Variants in SUSD3 observed in about 807,000 individuals in gnomAD.
SUSD3 encodes sushi domain-containing protein 3.
A neutral mutation model predicts 20.6 loss-of-function variants in SUSD3; 18 were observed. The ratio of observed to expected loss-of-function variants is 0.87; its 90% CI spans 0.60 to 1.30. The LOEUF (loss-of-function observed/expected upper bound fraction) is 1.30. Ranked by LOEUF, SUSD3 falls within the 50% of genes most tolerant of loss-of-function variation. The pLI, the probability that SUSD3 is intolerant of heterozygous loss-of-function variation, is 0.00. For synonymous variants in SUSD3, 137 were observed against 141.5 expected, an observed-to-expected ratio of 0.97 and a Z score of 0.23; for missense variants, 306 against 346.9, an observed-to-expected ratio of 0.88 and a Z score of 0.94.
chr9:93,072,034 C>T (rs1587907562), intron 1 of SUSD3, among the ~76,000 whole-genome samples: 1 of 152,254 alleles, frequency 6.6e-6, no homozygotes, highest in South Asian at 2.1e-4. Context: ...TCAGTTTCCC[C>T]ATCTGTAAGG....
chr9:93,068,460 T>A (rs577988022), intron 1 of SUSD3, among the ~76,000 whole-genome samples: 41 of 152,356 alleles, frequency 2.7e-4, no homozygotes, highest in Non-Finnish European at 4.9e-4. Context: ...GGTACCCTTG[T>A]TGAAAATCAT....
chr9:93,071,307 A>G (rs1350462949), intron 1 of SUSD3, among the ~76,000 whole-genome samples: 1 of 152,232 alleles, frequency 6.6e-6, no homozygotes, highest in Admixed American at 6.5e-5. Flanking sequence ...CCTCAAAAGT[A>G]GGGAAGACAG....
intron 2 of SUSD3, among the ~76,000 whole-genome samples, 177 bp downstream of exon 2, chr9:93,076,149 G>A (rs919933894): frequency 6.6e-6 from 1 of 152,144 alleles, no homozygotes; most frequent in Admixed American, 6.5e-5. Context: ...CCGGCTGTAG[G>A]CCCTCAGCCC....
intron 4 of SUSD3, 51 bp downstream of exon 4, chr9:93,079,653 T>C: frequency 1.9e-6 from 3 of 1,600,324 alleles, no homozygotes; most frequent in Non-Finnish European, 2.6e-6. Flanking sequence ...GGGTCCAGCT[T>C]GGTCAGGCCC....
intron 1 of SUSD3, 116 bp from the exon 2 acceptor site, chr9:93,075,668 C>G (rs1041164325): frequency 2.7e-6 from 2 of 741,906 alleles, no homozygotes; most frequent in Non-Finnish European, 4.4e-6. Context: ...GAGCTGCACC[C>G]CACCCCTGTG....
intron 1 of SUSD3, among the ~76,000 whole-genome samples, chr9:93,074,272 T>C (rs1826031947): frequency 6.6e-6 from 1 of 151,382 alleles, no homozygotes; most frequent in South Asian, 2.1e-4. Context: ...CTACTAAAAA[T>C]ACAAAAAATC....
chr9:93,067,446 T>C (rs760146679), intron 1 of SUSD3, among the ~76,000 whole-genome samples: 22 of 152,200 alleles, frequency 1.4e-4, no homozygotes, highest in Non-Finnish European at 3.1e-4. Flanking sequence ...TACCTAGCAG[T>C]GGAATTACTG....
At chr9:93,082,471 C>G (rs1338767605) in intron 4 of SUSD3, among the ~76,000 whole-genome samples, 2 of 152,062 alleles carry the variant, frequency 1.3e-5, no homozygotes, top group African/African-American at 2.4e-5. Context: ...GTGTCCGCCA[C>G]CATGCCCAGC....
chr9:93,060,042 G>A (rs182133969), intron 1 of SUSD3, among the ~76,000 whole-genome samples: 2 of 152,226 alleles, frequency 1.3e-5, no homozygotes, highest in African/African-American at 4.8e-5. Context: ...GGGCGTGGGT[G>A]CCAGTGCCCT....
rs1203415543 is a variant in SUSD3, at chr9:93,075,956, G to T, written c.261G>T (p.Gly87=). Residue 87 remains glycine, a synonymous_variant, in exon 2 of 5, where the codon GGG becomes GGT. Transcript: ENST00000375472. The stretch of plus-strand genomic sequence containing the variant: ...GGAGCATCGCTGAGTGGTCTTCAGG[G>T]TCCCCAGTGTGCAAACGTAAGGACC... ...WKGSIAEWSS[G]SPVCKLVPPH... 1.9e-6 allele frequency: 3 copies of T among 1,605,826 alleles called. No individual in the cohort carries two copies. Among genetic ancestry groups the T allele is most frequent in the South Asian group, 1.1e-5 (1 of 90,430 alleles).
intron 1 of SUSD3, among the ~76,000 whole-genome samples, chr9:93,065,947 G>A (rs1372866097): frequency 1.3e-5 from 2 of 152,204 alleles, no homozygotes. Context: ...TCAGCCCAGG[G>A]TTATAGGAAA....
At chr9:93,075,540 CTTTTT>C (rs141399539) in intron 1 of SUSD3, among the ~76,000 whole-genome samples, 2 of 147,736 alleles carry the variant, frequency 1.4e-5, no homozygotes, top group Non-Finnish European at 3.0e-5. Flanking sequence ...ACACTTATTT[CTTTTT>C]TTAATGCTCC....
chr9:93,067,495 C>T (rs768112374), intron 1 of SUSD3, among the ~76,000 whole-genome samples: 1 of 152,152 alleles, frequency 6.6e-6, no homozygotes, highest in Non-Finnish European at 1.5e-5. Flanking sequence ...TGTGAAAAAC[C>T]ACCGGACAGT....
At chr9:93,059,289 G>A (rs1240737579) in intron 1 of SUSD3, among the ~76,000 whole-genome samples, 2 of 152,204 alleles carry the variant, frequency 1.3e-5, no homozygotes, top group Non-Finnish European at 2.9e-5. Context: ...GACCAGCGCA[G>A]CTCCACTTTA....
At chr9:93,079,088 C>G (rs534244333) in intron 3 of SUSD3, among the ~76,000 whole-genome samples, 3 of 152,318 alleles carry the variant, frequency 2.0e-5, no homozygotes, top group African/African-American at 7.2e-5. Flanking sequence ...AGGCATGAGC[C>G]ACTGCGCCTG....
In SUSD3 at chr9:93,066,217, A is replaced by G. The variant is rs571008076; in HGVS notation, c.88+7387A>G. On this transcript the variant is annotated intron_variant, in intron 1 of 4. Coordinates refer to ENST00000375472, the MANE Select transcript of SUSD3 (RefSeq NM_145006.4). ...TTTAACCCTGACAGAGATAAGAAGC[A>G]AAAAAAGTATCTTCAGTTGCTTTTT... Among the ~76,000 whole-genome samples the G allele has an allele frequency of 1.4e-4, 22 of 152,272 alleles. No individual in the cohort carries two copies. The South Asian group carries it at 4.1e-3, about 29-fold the overall frequency.
chr9:93,062,391 C>CA (rs1209230017), intron 1 of SUSD3, among the ~76,000 whole-genome samples: 1 of 152,174 alleles, frequency 6.6e-6, no homozygotes, highest in East Asian at 1.9e-4. Flanking sequence ...TAAAGGGTGC[C>CA]AGGTAAGAAA....
At chr9:93,078,085 G>A in intron 3 of SUSD3, 92 bp downstream of exon 3, 13 of 1,555,104 alleles carry the variant, frequency 8.4e-6, no homozygotes, top group South Asian at 4.6e-5. Context: ...AGGGAACCCC[G>A]GCACTGCCCT....
intron 4 of SUSD3, 59 bp from the exon 5 acceptor site, chr9:93,084,478 A>C (rs1564197592): frequency 1.4e-6 from 2 of 1,455,792 alleles, no homozygotes; most frequent in African/African-American, 1.4e-5. Context: ...GAAGGTATGG[A>C]GTTGGGGATT....
Sources: allele counts gnomAD v4.1 joint callset (sites outside exome capture counted in the v4.1 genomes callset), GRCh38; gene constraint gnomAD v4.1.1; transcripts MANE v1.5; gene names NCBI Gene and HGNC (gene_info 2026-07-23, HGNC 2026-07-21).